The following FMN1 variants were observed in gnomAD, a reference collection of about 807,000 sequenced individuals.
FMN1 encodes the protein formin 1.
A neutral mutation model predicts 132.4 loss-of-function variants in FMN1; 110 were observed. That is an observed-to-expected ratio of 0.83 (90% CI 0.71 to 0.97). The LOEUF (loss-of-function observed/expected upper bound fraction) is 0.97. Among genes scored for constraint, FMN1 ranks in the 50% least tolerant of loss-of-function variants. The pLI is 0.00. For missense variants in FMN1, 1,792 were observed against 1,705.3 expected (o/e 1.05, Z -0.90); for synonymous variants, 722 against 651.7 (o/e 1.11, Z -1.64).
At chr15:32,907,938 C>T (rs991079220) in intron 12 of FMN1, among the ~76,000 whole-genome samples, 3 of 151,910 alleles carry the variant, frequency 2.0e-5, no homozygotes, top group African/African-American at 7.3e-5. Context: ...GCCTATGGAA[C>T]GGCATCACAA....
intron 7 of FMN1, among the ~76,000 whole-genome samples, chr15:32,977,120 C>T (rs1293941740): frequency 6.6e-6 from 1 of 152,166 alleles, no homozygotes; most frequent in Non-Finnish European, 1.5e-5. Flanking sequence ...AGTAAAACTA[C>T]ATTCCACCTC....
intron 4 of FMN1, among the ~76,000 whole-genome samples, chr15:33,094,227 A>G (rs975066675): frequency 1.4e-4 from 22 of 152,182 alleles, no homozygotes; most frequent in Admixed American, 9.8e-4. Flanking sequence ...TCCCTCATCA[A>G]TAAAATGAAG....
chr15:33,094,189 G>A (rs1359711341), intron 4 of FMN1, among the ~76,000 whole-genome samples: 1 of 152,146 alleles, frequency 6.6e-6, no homozygotes, highest in Non-Finnish European at 1.5e-5. Context: ...TGACCTTGGT[G>A]AAGTTACCAA....
At chr15:33,067,309 G>A (rs1175861427) in intron 5 of FMN1, 1 of 1,613,930 alleles carries the variant, frequency 6.2e-7, no homozygotes, top group Non-Finnish European at 8.5e-7. Flanking sequence ...TTTCCCCAGT[G>A]ACAGTATTTT....
intron 17 of FMN1, among the ~76,000 whole-genome samples, chr15:32,814,480 A>G (rs1040195707): frequency 6.6e-6 from 1 of 152,170 alleles, no homozygotes; most frequent in African/African-American, 2.4e-5. Context: ...TAGGGAAACT[A>G]AACTCTATAG....
intron 4 of FMN1, among the ~76,000 whole-genome samples, chr15:33,132,357 A>G (rs1963585226): frequency 1.3e-5 from 2 of 152,188 alleles, no homozygotes; most frequent in South Asian, 4.1e-4. Context: ...ATCACTTTCA[A>G]GATGAAAGAA....
rs2031592564 is a variant in FMN1, at chr15:32,969,484, G to A, written c.2224-7C>T. On this transcript the variant is annotated splice_polypyrimidine_tract_variant and splice_region_variant and intron_variant, in intron 7 of 20. Coordinates refer to ENST00000616417, the MANE Select transcript of FMN1 (RefSeq NM_001277313.2). ...CCCGAAGTTCAAACTGTGCCTATAG[G>A]AAAATTCAGAGGGAAAGAAAGTAAT... The A allele has an allele frequency of 1.9e-6, 3 of 1,611,238 alleles. No individual in the cohort carries two copies. The African/African-American group carries it at 4.0e-5, about 22-fold the overall frequency.
At chr15:33,122,986 CAAAT>C (rs1397973323) in intron 4 of FMN1, among the ~76,000 whole-genome samples, 3 of 151,848 alleles carry the variant, frequency 2.0e-5, no homozygotes, top group African/African-American at 7.3e-5. Context: ...ATTAATGTCA[CAAAT>C]AAAAAGACAG....
intron 9 of FMN1, among the ~76,000 whole-genome samples, chr15:32,962,287 A>G (rs1320343444): frequency 2.0e-5 from 3 of 152,188 alleles, no homozygotes; most frequent in Non-Finnish European, 4.4e-5. Context: ...CTGGCTAGCC[A>G]TATGTAGAAA....
chr15:32,931,514 T>C (rs2061117288), intron 9 of FMN1, among the ~76,000 whole-genome samples: 1 of 152,232 alleles, frequency 6.6e-6, no homozygotes, highest in Non-Finnish European at 1.5e-5. Flanking sequence ...TTTTGTGTTA[T>C]AAGAACACAA....
chr15:32,906,698 T>C (rs1421772405), intron 12 of FMN1, among the ~76,000 whole-genome samples: 1 of 152,214 alleles, frequency 6.6e-6, no homozygotes, highest in Non-Finnish European at 1.5e-5. Flanking sequence ...TTTCAGTCAT[T>C]AGCACCGTAA....
At position 33,074,589 on chromosome 15, in the gene FMN1, T is replaced by C. The variant is rs574486098; in HGVS notation, c.2044-9515A>G. Among the ~76,000 whole-genome samples the C allele has an allele frequency of 7.9e-5, 12 of 152,308 alleles. No homozygotes were observed. The South Asian group carries it at 2.5e-3, about 32-fold the overall frequency. ...AGCTTCTGTAGAAATGGATTGAATA[T>C]AGATAACAAACTAGAAGAATCTAAA... On this transcript the variant is annotated intron_variant, in intron 5 of 20. Transcript: ENST00000616417.
chr15:33,024,485 A>G (rs750370537), intron 6 of FMN1, among the ~76,000 whole-genome samples: 23 of 152,072 alleles, frequency 1.5e-4, no homozygotes, highest in Non-Finnish European at 2.4e-4. Context: ...TGACCTCGCA[A>G]TCCGCCCACC....
At chr15:33,184,839 G>A (rs565245347) in intron 2 of FMN1, among the ~76,000 whole-genome samples, 4 of 152,164 alleles carry the variant, frequency 2.6e-5, no homozygotes, top group East Asian at 3.9e-4. Flanking sequence ...GTTGCAAATC[G>A]TATCCTTAAA....
At chr15:32,867,334 T>C (rs1239298324) in intron 16 of FMN1, among the ~76,000 whole-genome samples, 5 of 152,306 alleles carry the variant, frequency 3.3e-5, no homozygotes, top group African/African-American at 9.6e-5. Context: ...TTGCCTGCCT[T>C]CCCAGCCTCA....
chr15:33,131,620 A>G (rs887226656), intron 4 of FMN1, among the ~76,000 whole-genome samples: 1 of 152,046 alleles, frequency 6.6e-6, no homozygotes, highest in African/African-American at 2.4e-5. Context: ...AAATACAACT[A>G]CCCCACTGTG....
intron 4 of FMN1, among the ~76,000 whole-genome samples, chr15:33,120,806 T>C (rs375301614): frequency 3.9e-5 from 6 of 152,042 alleles, no homozygotes; most frequent in East Asian, 1.9e-4. Context: ...TGAACATTCT[T>C]GCATGTTTAT....
At chr15:33,008,605 G>C (rs1460215008) in intron 6 of FMN1, among the ~76,000 whole-genome samples, 3 of 152,184 alleles carry the variant, frequency 2.0e-5, no homozygotes, top group African/African-American at 7.2e-5. Context: ...ATTTGGATGA[G>C]AGATTCTAGG....
intron 7 of FMN1, among the ~76,000 whole-genome samples, chr15:32,977,893 C>T (rs1273674293): frequency 6.7e-6 from 1 of 149,996 alleles, no homozygotes; most frequent in Non-Finnish European, 1.5e-5. Context: ...GACAGAGTCT[C>T]TGTAACCAGG....
Sources: gnomAD v4.1 joint callset for allele counts (sites outside exome capture counted in the v4.1 genomes callset) on GRCh38, gnomAD v4.1.1 for gene constraint, MANE v1.5 for transcripts, NCBI Gene and HGNC (gene_info 2026-07-23, HGNC 2026-07-21) for gene names.